The following LGI4 variants were observed in gnomAD, a reference collection of about 807,000 sequenced individuals.
LGI4 encodes the protein leucine rich repeat LGI family member 4.
LGI4 carries 36 observed loss-of-function variants against 48.3 expected under a neutral mutation model. The observed-to-expected ratio is 0.75, with a 90% CI of 0.57 to 0.98. The LOEUF (loss-of-function observed/expected upper bound fraction) is 0.98. LGI4 is among the 50% of genes least tolerant of loss of function. The pLI is 0.00. For synonymous variants in LGI4, 355 were observed against 331.6 expected, an observed-to-expected ratio of 1.07 and a Z score of -0.77; for missense variants, 701 against 732.1, an observed-to-expected ratio of 0.96 and a Z score of 0.49.
chr19:35,133,464 G>A (rs1463815566), intron 3 of LGI4: 3 of 1,374,418 alleles, frequency 2.2e-6, no homozygotes, highest in African/African-American at 1.5e-5. Context: ...GAGAAGTGAG[G>A]TGATAATCAA....
intron 8 of LGI4, chr19:35,125,806 C>A: frequency 1.6e-6 from 1 of 626,662 alleles, no homozygotes; most frequent in Non-Finnish European, 3.0e-6. Context: ...TCCTGGCAGC[C>A]TCTTCCCTGG....
chr19:35,126,161 T>C, intron 8 of LGI4, 109 bp downstream of exon 8: 1 of 1,240,360 alleles, frequency 8.1e-7, no homozygotes, highest in Non-Finnish European at 1.1e-6. Context: ...TGGGGTGGGG[T>C]CCTGGTTCAA....
rs1178309442 is a variant in LGI4, at chr19:35,131,820, G to A, written c.427C>T (p.Leu143=). 6.4e-7 allele frequency: 1 copy of A among 1,573,302 alleles called. No individual in the cohort carries two copies. The highest frequency in any genetic ancestry group is 2.3e-5 in the East Asian group (1 of 42,914). The change falls in exon 5 of 9, where the codon CTG becomes TTG. Residue 143 remains leucine, a synonymous_variant. Transcript: ENST00000310123. ...GTAAGGGTGTCCAGGCCTCGGAACA[G>A]GAATCTGGGGAGGGTCTCCAGATGG... ...NNHLETLPRF[L]FRGLDTLTHV... is the part of the protein sequence containing the mutation.
In LGI4 at chr19:35,126,299, A is replaced by G. The variant is rs1429644856; in HGVS notation, c.1270T>C (p.Cys424Arg). 1.2e-6 allele frequency: 2 copies of G among 1,612,086 alleles called. No homozygotes were observed. The highest frequency in any genetic ancestry group is 1.7e-6 in the Non-Finnish European group (2 of 1,179,594). The stretch of plus-strand genomic sequence containing the variant: ...GAGTCCCCAATGTAGCGTGTGAGGC[A>G]CAGGAACACGTCCCCACCAGCCTGG... ...HFQAGGDVFLCLTRYIGDSMV... is the reference protein window; with the variant it reads ...HFQAGGDVFLRLTRYIGDSMV... The change falls in exon 8 of 9, where the codon TGC becomes CGC. Residue 424 changes from cysteine to arginine, a missense_variant. Physicochemically the swap from Cys to Arg is radical, Grantham distance 180. Around this residue, in one of 3 missense-constraint regions of LGI4, gnomAD observed 223 missense variants for 263.3 expected, o/e 0.85. Coordinates refer to ENST00000310123, the MANE Select transcript of LGI4 (RefSeq NM_139284.3).
rs2065199510 is a variant in LGI4, at chr19:35,134,936, C to T, written c.-256G>A. ...TTTGACTCTGTGTGTTAGTCTGTTT[C>T]TATTTCTGTCTTTGTCTCTCTTTCT... On this transcript the variant is annotated 5_prime_UTR_variant, in exon 1 of 9. Coordinates refer to ENST00000310123, the MANE Select transcript of LGI4 (RefSeq NM_139284.3). 1 of 485,812 alleles carries T rather than the reference C, an allele frequency of 2.1e-6. No individual in the cohort carries two copies. The highest frequency in any genetic ancestry group is 2.0e-5 in the African/African-American group (1 of 49,328). The allele number at this position is 485,812 out of a possible 1,614,324, so 30.1% of individuals were successfully genotyped here.
rs1309955243 is a variant in LGI4, at chr19:35,131,805, C to T, written c.442G>A (p.Asp148Asn). ...GAGCCTCACACATGAGTAAGGGTGTCCAGGCCTCGGAACAGGAATCTGGGG... is the reference window on the plus strand; with the variant it reads ...GAGCCTCACACATGAGTAAGGGTGTTCAGGCCTCGGAACAGGAATCTGGGG... ...TLPRFLFRGL[D>N]TLTHVDLRGN... Residue 148 changes from aspartate to asparagine, a missense_variant, in exon 5 of 9, where the codon GAC becomes AAC. Around this residue, in one of 3 missense-constraint regions of LGI4, gnomAD observed 462 missense variants for 436.4 expected, o/e 1.06. Coordinates refer to ENST00000310123, the MANE Select transcript of LGI4 (RefSeq NM_139284.3). The T allele has an allele frequency of 2.6e-6, 4 of 1,567,040 alleles. No homozygotes were observed. The highest frequency in any genetic ancestry group is 3.5e-6 in the Non-Finnish European group (4 of 1,155,240).
At chr19:35,133,472 C>A in intron 3 of LGI4, 1 of 1,392,306 alleles carries the variant, frequency 7.2e-7, no homozygotes, top group Non-Finnish European at 9.3e-7. Context: ...AGGTGATAAT[C>A]AACACTGATA....
chr19:35,127,167 G>C (rs1379399127), intron 6 of LGI4, 150 bp from the exon 7 acceptor site: 2 of 879,812 alleles, frequency 2.3e-6, no homozygotes, highest in East Asian at 5.4e-5. Context: ...GTAGATGTTT[G>C]TTTGGTTTGG....
At chr19:35,129,654 C>T (rs1046241098) in intron 6 of LGI4, among the ~76,000 whole-genome samples, 5 of 152,232 alleles carry the variant, frequency 3.3e-5, no homozygotes, top group South Asian at 4.1e-4. Flanking sequence ...TGTGGAAGGC[C>T]GCAGGGACCT....
chr19:35,124,707 C>T lies in LGI4; in HGVS notation c.*486G>A, dbSNP rs1369958801. ...GCACAAGCAGCAGAGGGGAACCCGCCCAGTGCTGAGTTGTCTTCGAGGTTG... is the reference window on the plus strand; with the variant it reads ...GCACAAGCAGCAGAGGGGAACCCGCTCAGTGCTGAGTTGTCTTCGAGGTTG... On this transcript the variant is annotated 3_prime_UTR_variant, in exon 9 of 9. Coordinates refer to ENST00000310123, the MANE Select transcript of LGI4 (RefSeq NM_139284.3). 1.3e-5 allele frequency: 2 copies of T among 152,924 alleles called. No homozygotes were observed. The highest frequency in any genetic ancestry group is 4.8e-5 in the African/African-American group (2 of 41,500). The allele number at this position is 152,924 out of a possible 1,614,324, so 9.5% of individuals were successfully genotyped here. A position where few individuals can be genotyped will look rare whatever the true frequency, so the allele number is the denominator to read the frequency against.
chr19:35,131,573 G>C lies in LGI4; in HGVS notation c.459-18C>G. On this transcript the variant is annotated intron_variant, in intron 5 of 8. Coordinates refer to ENST00000310123, the MANE Select transcript of LGI4 (RefSeq NM_139284.3). ...GGAGGTCCCTGGGGCAAGAGGCCAG[G>C]GAGGGGCTGCGACCCGGCTTCCACG... 6.5e-7 allele frequency: 1 copy of C among 1,547,028 alleles called. No individual in the cohort carries two copies. Among genetic ancestry groups the C allele is most frequent in the Non-Finnish European group, 8.7e-7 (1 of 1,144,944 alleles).
Position 35,126,678 on chromosome 19 carries a change from G to A in LGI4, c.891C>T (p.Pro297=), listed in dbSNP as rs202050899. The change falls in exon 8 of 9, where the codon CCC becomes CCT. Residue 297 remains proline, a synonymous_variant. Coordinates refer to ENST00000310123, the MANE Select transcript of LGI4 (RefSeq NM_139284.3). ...TTGGGGCCAGGCGCAGGCCGGGACTGGGCCGGGCCCACAGCTGTGAGCCCC... is the reference window on the plus strand; with the variant it reads ...TTGGGGCCAGGCGCAGGCCGGGACTAGGCCGGGCCCACAGCTGTGAGCCCC... ...LWGGSQLWAR[P]SPGLRLAPTQ... The A allele has an allele frequency of 6.5e-7, 1 of 1,535,824 alleles. No homozygotes were observed.
Position 35,134,543 on chromosome 19 carries a change from C to G in LGI4, c.138G>C (p.Leu46=). The change falls in exon 1 of 9, where the codon CTG becomes CTC. Residue 46 remains leucine (L), a synonymous_variant. Transcript: ENST00000310123. ...DSALCEGSPD[L]PVSFSPTLLS... ...GCAGGGTCGGAGAGAAGCTGACGGGCAGGTCCGGGGAGCCCTCACACAGGG... is the reference window on the plus strand; with the variant it reads ...GCAGGGTCGGAGAGAAGCTGACGGGGAGGTCCGGGGAGCCCTCACACAGGG... The G allele has an allele frequency of 6.3e-7, 1 of 1,585,722 alleles. No individual in the cohort carries two copies. The highest frequency in any genetic ancestry group is 8.6e-7 in the Non-Finnish European group (1 of 1,166,624).
At chr19:35,127,976 CT>C (rs1401592947) in intron 6 of LGI4, among the ~76,000 whole-genome samples, 1 of 152,166 alleles carries the variant, frequency 6.6e-6, no homozygotes, top group Admixed American at 6.5e-5. Flanking sequence ...TTAGATGTGG[CT>C]GTTTTGAGAC....
At chr19:35,133,669 C>A in intron 3 of LGI4, 24 bp downstream of exon 3, 1 of 1,580,192 alleles carries the variant, frequency 6.3e-7, no homozygotes, top group Non-Finnish European at 8.6e-7. Context: ...GACCCACCTG[C>A]CTCCATCCCC....
chr19:35,125,539 T>G (rs760326362), intron 8 of LGI4, 32 bp from the exon 9 acceptor site: 1 of 1,491,562 alleles, frequency 6.7e-7, no homozygotes, highest in South Asian at 1.3e-5. Context: ...GGGCCTGGGG[T>G]CCCGGGGGTC....
chr19:35,133,602 G>A (rs2145369459), intron 3 of LGI4, 91 bp downstream of exon 3: 1 of 1,502,432 alleles, frequency 6.7e-7, no homozygotes, highest in Non-Finnish European at 9.0e-7. Context: ...GCTCCTCAGG[G>A]CCACAGCTCC....
intron 5 of LGI4, 112 bp downstream of exon 5, chr19:35,131,677 T>G: frequency 7.2e-7 from 1 of 1,397,188 alleles, no homozygotes; most frequent in Non-Finnish European, 9.8e-7. Flanking sequence ...GAAAAATACG[T>G]AAGAACCACT....
At position 35,126,390 on chromosome 19, in the gene LGI4, G is replaced by A. The variant is rs781216023; in HGVS notation, c.1179C>T (p.Thr393=). The change falls in exon 8 of 9, where the codon ACC becomes ACT. Residue 393 remains threonine (T), a synonymous_variant. Transcript: ENST00000310123. The part of the protein sequence containing the change: ...ASQRPVLFHW[T]GGRFERRTDI... ...CTGTGCGTCTCTCGAAGCGGCCACCGGTCCAGTGGAAGAGCACGGGCCGCT... is the reference window on the plus strand; with the variant it reads ...CTGTGCGTCTCTCGAAGCGGCCACCAGTCCAGTGGAAGAGCACGGGCCGCT... 10 of 1,610,438 alleles carry A rather than the reference G, an allele frequency of 6.2e-6. No homozygotes were observed. In the South Asian group the frequency reaches 6.6e-5, roughly 11 times the overall value.
Sources: allele counts gnomAD v4.1 joint callset (sites outside exome capture counted in the v4.1 genomes callset), GRCh38; gene constraint gnomAD v4.1.1; regional missense constraint gnomAD v4.1.1; transcripts MANE v1.5; gene names NCBI Gene and HGNC (gene_info 2026-07-23, HGNC 2026-07-21).